Variants in METTL24 observed in about 807,000 individuals in gnomAD.
METTL24 encodes the protein probable methyltransferase-like protein 24.
In METTL24, 29 loss-of-function variants were observed where a neutral mutation model predicts 32.7. The observed-to-expected ratio is 0.89, with a 90% CI of 0.66 to 1.21. The LOEUF is 1.21. METTL24 is among the 50% of genes most tolerant of loss of function. The probability of loss-of-function intolerance (pLI) is 0.00; values close to 1 mark genes in which losing one functional copy is unlikely to be tolerated. For synonymous variants in METTL24, 163 were observed against 179.5 expected, an observed-to-expected ratio of 0.91 and a Z score of 0.73; for missense variants, 439 against 468.1, an observed-to-expected ratio of 0.94 and a Z score of 0.57.
At chr6:110,298,323 T>C (rs1456436479) in intron 4 of METTL24, among the ~76,000 whole-genome samples, 1 of 152,248 alleles carries the variant, frequency 6.6e-6, no homozygotes. Flanking sequence ...GTTCAAAGAT[T>C]GTTTCTTTTT....
intron 4 of METTL24, among the ~76,000 whole-genome samples, chr6:110,289,293 T>G (rs1741278775): frequency 6.6e-6 from 1 of 152,186 alleles, no homozygotes; most frequent in African/African-American, 2.4e-5. Context: ...AAGACTAATT[T>G]TATTGAAAAA....
chr6:110,299,392 T>C (rs1306372444), intron 3 of METTL24, among the ~76,000 whole-genome samples: 4 of 152,088 alleles, frequency 2.6e-5, no homozygotes, highest in African/African-American at 7.2e-5. Context: ...TACTCAAACA[T>C]GTAGGCGCAT....
chr6:110,269,973 G>T (rs1770925224), intron 4 of METTL24, among the ~76,000 whole-genome samples: 1 of 152,166 alleles, frequency 6.6e-6, no homozygotes, highest in South Asian at 2.1e-4. Context: ...TAGGATGGCT[G>T]TCTAATAGTT....
At chr6:110,352,467 C>A (rs769531976) in intron 1 of METTL24, among the ~76,000 whole-genome samples, 30 of 152,282 alleles carry the variant, frequency 2.0e-4, no homozygotes, top group Non-Finnish European at 3.1e-4. Context: ...GAACTGTCAA[C>A]TAGCAACCCA....
intron 4 of METTL24, among the ~76,000 whole-genome samples, chr6:110,267,038 CT>C (rs112123475): frequency 2.6e-4 from 40 of 151,074 alleles, no homozygotes; most frequent in African/African-American, 9.2e-4. Flanking sequence ...GAGGGACCTG[CT>C]TTTTTTTTAA....
intron 1 of METTL24, among the ~76,000 whole-genome samples, chr6:110,344,353 C>T (rs11963809): frequency 0.56 from 85,075 of 151,896 alleles, 24,069 homozygotes; most frequent in African/African-American, 0.65. Flanking sequence ...TTTTCTCACC[C>T]ACCCTCCTGC....
At chr6:110,340,099 G>T (rs1028889479) in intron 1 of METTL24, among the ~76,000 whole-genome samples, 115 of 152,276 alleles carry the variant, frequency 7.6e-4, no homozygotes, top group Non-Finnish European at 2.1e-4. Context: ...CAATAGGAGG[G>T]AGGAACAACT....
intron 4 of METTL24, among the ~76,000 whole-genome samples, chr6:110,263,478 A>G (rs1443278941): frequency 6.6e-6 from 1 of 152,244 alleles, no homozygotes; most frequent in African/African-American, 2.4e-5. Flanking sequence ...AGAGGATACA[A>G]ACAAATGGAA....
intron 3 of METTL24, among the ~76,000 whole-genome samples, chr6:110,308,450 C>T (rs948456911): frequency 3.3e-5 from 5 of 152,072 alleles, no homozygotes; most frequent in African/African-American, 1.2e-4. Flanking sequence ...TAGGGAAATG[C>T]AAATCAAAAC....
chr6:110,299,191 A>G, intron 3 of METTL24, 41 bp from the exon 4 acceptor site: 2 of 1,571,652 alleles, frequency 1.3e-6, no homozygotes. Flanking sequence ...AAAAAATGCA[A>G]TGAAGCAAAG....
At chr6:110,296,637 A>C (rs1176720712) in intron 4 of METTL24, among the ~76,000 whole-genome samples, 1 of 152,218 alleles carries the variant, frequency 6.6e-6, no homozygotes, top group African/African-American at 2.4e-5. Context: ...ATGGATATAC[A>C]GAATAGGAAA....
At chr6:110,274,551 C>T (rs115529192) in intron 4 of METTL24, among the ~76,000 whole-genome samples, 2,759 of 152,140 alleles carry the variant, frequency 0.018, 38 homozygotes, top group African/African-American at 0.039. Context: ...ATATTGGGTA[C>T]AGTGCACACT....
intron 4 of METTL24, among the ~76,000 whole-genome samples, chr6:110,295,002 TTTCTTTCTTTC>T (rs1259623028): frequency 1.6e-4 from 24 of 147,282 alleles, no homozygotes; most frequent in African/African-American, 6.3e-4. Context: ...CTTTTCTTTT[TTTCTTTCTTTC>T]TTTTTTTTTT....
At chr6:110,323,359 A>C (rs1437159302) in intron 1 of METTL24, among the ~76,000 whole-genome samples, 3 of 152,164 alleles carry the variant, frequency 2.0e-5, no homozygotes, top group Non-Finnish European at 1.5e-5. Context: ...CAGTGCAGGG[A>C]GATGGGACCA....
rs906241345 is a variant in METTL24, at chr6:110,257,659, C to T, written c.787-11399G>A. Among the ~76,000 whole-genome samples, 9 of 152,246 alleles carry T rather than the reference C, an allele frequency of 5.9e-5. No individual in the cohort carries two copies. The East Asian group carries it at 1.4e-3, about 23-fold the overall frequency. On this transcript the variant is annotated intron_variant, in intron 4 of 4. Coordinates refer to ENST00000338882, the MANE Select transcript of METTL24 (RefSeq NM_001123364.3). ...GTGTTTCTACTAAGAGCCCAGCTGC[C>T]GATGATGCTGCTGGTACAACGACCA...
At chr6:110,323,135 T>C (rs1771959094) in intron 1 of METTL24, among the ~76,000 whole-genome samples, 1 of 152,204 alleles carries the variant, frequency 6.6e-6, no homozygotes, top group African/African-American at 2.4e-5. Flanking sequence ...TGTCTGACTC[T>C]GCATGTATGA....
intron 4 of METTL24, among the ~76,000 whole-genome samples, chr6:110,256,046 A>C (rs908254540): frequency 2.6e-5 from 4 of 152,174 alleles, no homozygotes; most frequent in African/African-American, 7.2e-5. Context: ...AAGTGAGAAG[A>C]AACTAGGAAT....
At chr6:110,270,005 T>G (rs780129131) in intron 4 of METTL24, among the ~76,000 whole-genome samples, 1 of 152,180 alleles carries the variant, frequency 6.6e-6, no homozygotes, top group Non-Finnish European at 1.5e-5. Context: ...ACACTTTTAT[T>G]TCTTTGTTGA....
At chr6:110,295,995 T>C (rs1374385517) in intron 4 of METTL24, among the ~76,000 whole-genome samples, 1 of 151,714 alleles carries the variant, frequency 6.6e-6, no homozygotes, top group Non-Finnish European at 1.5e-5. Flanking sequence ...TTAGAAAGTA[T>C]CATTGTCCTC....
Sources: gnomAD v4.1 joint callset for allele counts (sites outside exome capture counted in the v4.1 genomes callset) on GRCh38, gnomAD v4.1.1 for gene constraint, MANE v1.5 for transcripts, NCBI Gene and HGNC (gene_info 2026-07-23, HGNC 2026-07-21) for gene names.